The following SPECC1 variants were observed in gnomAD, a reference collection of about 807,000 sequenced individuals.
The protein encoded by SPECC1 is sperm antigen with calponin homology and coiled-coil domains 1, also known as cytospin-B.
In SPECC1, 62 loss-of-function variants were observed where a neutral mutation model predicts 104.1. That is an observed-to-expected ratio of 0.60 (90% confidence interval 0.49 to 0.74). SPECC1 has a LOEUF of 0.74. Among genes scored for constraint, SPECC1 ranks in the 30% least tolerant of loss-of-function variants. The pLI is 0.00. For synonymous variants in SPECC1, 513 were observed against 501.6 expected (o/e 1.02, Z -0.30); for missense variants, 1,306 against 1,310.5 (o/e 1.00, Z 0.05).
intron 4 of SPECC1, among the ~76,000 whole-genome samples, chr17:20,211,249 C>G (rs1360624787): frequency 2.6e-5 from 4 of 152,226 alleles, no homozygotes; most frequent in African/African-American, 9.6e-5. Context: ...TCATCTTCAG[C>G]TCACACATAA....
At chr17:20,046,827 G>A (rs903043804) in intron 1 of SPECC1, among the ~76,000 whole-genome samples, 13 of 147,712 alleles carry the variant, frequency 8.8e-5, no homozygotes, top group African/African-American at 3.2e-4. Flanking sequence ...GGGCTGCTAG[G>A]GTATGCAGGA....
intron 4 of SPECC1, among the ~76,000 whole-genome samples, chr17:20,218,476 A>T (rs1791751983): frequency 6.6e-6 from 1 of 152,188 alleles, no homozygotes; most frequent in South Asian, 2.1e-4. Context: ...TTTGTATTAC[A>T]ATCCAGAGTC....
intron 5 of SPECC1, among the ~76,000 whole-genome samples, chr17:20,227,966 A>AG (rs1332570156): frequency 1.5e-5 from 2 of 136,070 alleles, no homozygotes; most frequent in South Asian, 2.2e-4. Context: ...GTGGGTGACG[A>AG]GGGGGGGTGG....
chr17:20,269,148 T>G (rs1260009194), intron 12 of SPECC1, among the ~76,000 whole-genome samples: 1 of 152,206 alleles, frequency 6.6e-6, no homozygotes, highest in Non-Finnish European at 1.5e-5. Context: ...GCAGCCATGT[T>G]TTTGCCTCTG....
intron 1 of SPECC1, among the ~76,000 whole-genome samples, chr17:20,018,556 C>G (rs1027535577): frequency 1.3e-5 from 2 of 152,218 alleles, no homozygotes; most frequent in Admixed American, 6.5e-5. Context: ...ATGCCCAGTC[C>G]TTGGTCTTTT....
chr17:20,153,268 A>G (rs1041047016), intron 3 of SPECC1, among the ~76,000 whole-genome samples: 9 of 152,176 alleles, frequency 5.9e-5, no homozygotes, highest in East Asian at 1.9e-4. Flanking sequence ...TTGCTGTAAT[A>G]TAAGTTGGGA....
At position 20,041,044 on chromosome 17, in the gene SPECC1, A is replaced by G. The variant is rs74501571; in HGVS notation, c.-22+31620A>G. Among the ~76,000 whole-genome samples the G allele has an allele frequency of 6.6e-4, 98 of 148,958 alleles. 2 individuals carry two copies. In the East Asian group the frequency reaches 0.019, roughly 28 times the overall value. On this transcript the variant is annotated intron_variant, in intron 1 of 14. Coordinates refer to ENST00000395527, the MANE Select transcript of SPECC1 (RefSeq NM_001243439.2). ...CTTCCTTCCTTTCTCTTTTTCCATCATTCCTCCTGCTGCTCCTCTTTTTTC... is the reference window on the plus strand; with the variant it reads ...CTTCCTTCCTTTCTCTTTTTCCATCGTTCCTCCTGCTGCTCCTCTTTTTTC...
At chr17:20,177,973 G>T (rs1335756262) in intron 3 of SPECC1, among the ~76,000 whole-genome samples, 2 of 151,964 alleles carry the variant, frequency 1.3e-5, no homozygotes, top group Non-Finnish European at 2.9e-5. Flanking sequence ...CTCCCAAAGT[G>T]CTGGGATTAA....
rs563407549 is a variant in SPECC1 at position 20,239,200 on chromosome 17, G to T, written c.2352-6726G>T. 8.1e-4 allele frequency: 823 copies of T among 1,020,082 alleles called. 2 individuals carry two copies. Among genetic ancestry groups the T allele is most frequent in the Middle Eastern group, 1.4e-3 (3 of 2,108 alleles). 63.2% of individuals were successfully genotyped at this position (1,020,082 alleles called of 1,614,324 possible). The stretch of plus-strand genomic sequence containing the variant: ...ATGTGTTTTGTTGACATTTAAATAT[G>T]AATAGATTGATGATTTAATGTATTG... On this transcript the variant is annotated intron_variant, in intron 7 of 14. Coordinates refer to ENST00000395527, the MANE Select transcript of SPECC1 (RefSeq NM_001243439.2).
chr17:20,207,867 A>G (rs889690799), intron 4 of SPECC1, among the ~76,000 whole-genome samples: 5 of 152,216 alleles, frequency 3.3e-5, no homozygotes, highest in Non-Finnish European at 5.9e-5. Flanking sequence ...TAGTTTATCT[A>G]TTCCACTATT....
intron 12 of SPECC1, among the ~76,000 whole-genome samples, chr17:20,287,586 C>T (rs1020010877): frequency 3.3e-5 from 5 of 152,130 alleles, no homozygotes; most frequent in African/African-American, 4.8e-5. Context: ...CTGACCCCCT[C>T]GTTCCTGAAA....
chr17:20,279,301 T>A (rs1350404212), intron 12 of SPECC1, among the ~76,000 whole-genome samples: 1 of 151,458 alleles, frequency 6.6e-6, no homozygotes, highest in Non-Finnish European at 1.5e-5. Flanking sequence ...TGAAGGTTAC[T>A]TTTCTTTCTT....
chr17:20,042,580 T>C (rs2045376189), intron 1 of SPECC1, among the ~76,000 whole-genome samples: 1 of 152,020 alleles, frequency 6.6e-6, no homozygotes, highest in East Asian at 1.9e-4. Context: ...TTGGTGGGGG[T>C]GTTGGGTACC....
chr17:20,311,560 T>G (rs2041935581), intron 14 of SPECC1, among the ~76,000 whole-genome samples: 1 of 152,048 alleles, frequency 6.6e-6, no homozygotes, highest in Non-Finnish European at 1.5e-5. Flanking sequence ...CTGGCTAATT[T>G]TTTTGTATTT....
chr17:20,078,744 A>G (rs1253531913), intron 1 of SPECC1, among the ~76,000 whole-genome samples: 2 of 152,228 alleles, frequency 1.3e-5, no homozygotes, highest in Non-Finnish European at 2.9e-5. Context: ...TGTTAAAAAT[A>G]TAAGCTATAT....
In SPECC1 at chr17:20,232,187, C is replaced by G; in HGVS notation, c.2146-13C>G. The G allele has an allele frequency of 6.2e-7, 1 of 1,613,662 alleles. No homozygotes were observed. Among genetic ancestry groups the G allele is most frequent in the Non-Finnish European group, 8.5e-7 (1 of 1,180,022 alleles). ...CAGGCGTCTGACATAAGGATGGGCT[C>G]TGACATTTTCAGGAGGAGACCGAGG... On this transcript the variant is annotated splice_polypyrimidine_tract_variant and intron_variant, in intron 6 of 14. Coordinates refer to ENST00000395527, the MANE Select transcript of SPECC1 (RefSeq NM_001243439.2).
chr17:20,127,771 AG>A (rs1273540564), intron 3 of SPECC1, among the ~76,000 whole-genome samples: 3 of 152,016 alleles, frequency 2.0e-5, no homozygotes, highest in Non-Finnish European at 4.4e-5. Context: ...GCCTGTTGGA[AG>A]GTGGCCTTGT....
At chr17:20,060,490 T>TA (rs2046145104) in intron 1 of SPECC1, among the ~76,000 whole-genome samples, 1 of 151,326 alleles carries the variant, frequency 6.6e-6, no homozygotes, top group African/African-American at 2.4e-5. Flanking sequence ...CTACAAAAAA[T>TA]AAAAAAATTT....
At chr17:20,172,134 T>G (rs1035293151) in intron 3 of SPECC1, among the ~76,000 whole-genome samples, 1 of 152,224 alleles carries the variant, frequency 6.6e-6, no homozygotes, top group African/African-American at 2.4e-5. Flanking sequence ...GGTCAGGTGC[T>G]GTTCCCCTGC....
Sources: gnomAD v4.1 joint callset for allele counts (sites outside exome capture counted in the v4.1 genomes callset) on GRCh38, gnomAD v4.1.1 for gene constraint, MANE v1.5 for transcripts, NCBI Gene and HGNC (gene_info 2026-07-23, HGNC 2026-07-21) for gene names.